UNC13C: variants seen among roughly 807,000 people sequenced by gnomAD.
UNC13C encodes the protein unc-13 homolog C.
UNC13C carries 174 observed loss-of-function variants against 245.4 expected under a neutral mutation model. The ratio of observed to expected loss-of-function variants is 0.71; its 90% CI spans 0.63 to 0.80. UNC13C has a LOEUF of 0.80. UNC13C is among the 30% of genes least tolerant of loss of function. UNC13C has a pLI of 0.00. For synonymous variants in UNC13C, 992 were observed against 895.1 expected (o/e 1.11, Z -1.93); for missense variants, 2,829 against 2,602.9 (o/e 1.09, Z -1.89).
chr15:54,140,595 G>A (rs8032249), intron 2 of UNC13C, among the ~76,000 whole-genome samples: 55,825 of 151,994 alleles, frequency 0.37, 10,334 homozygotes, highest in Admixed American at 0.39. Flanking sequence ...AGCTAGGTTT[G>A]GGACATAACA....
At chr15:54,446,623 T>C (rs1170788667) in intron 19 of UNC13C, among the ~76,000 whole-genome samples, 1 of 152,234 alleles carries the variant, frequency 6.6e-6, no homozygotes, top group Non-Finnish European at 1.5e-5. Flanking sequence ...ATGCTTGTGA[T>C]TTTTGCACTT....
At chr15:54,300,841 G>A (rs183481394) in intron 13 of UNC13C, among the ~76,000 whole-genome samples, 5 of 152,280 alleles carry the variant, frequency 3.3e-5, no homozygotes, top group Admixed American at 2.6e-4. Flanking sequence ...GACAGGTCCA[G>A]AGCTATTATG....
chr15:54,522,514 A>AAC (rs1266329880), intron 24 of UNC13C, among the ~76,000 whole-genome samples: 1 of 150,176 alleles, frequency 6.7e-6, no homozygotes, highest in Admixed American at 6.6e-5. Flanking sequence ...ACAACAACAA[A>AAC]AAGTCTTGCC....
chr15:54,280,786 A>C (rs2036973265), intron 10 of UNC13C, among the ~76,000 whole-genome samples: 1 of 109,254 alleles, frequency 9.2e-6, no homozygotes, highest in African/African-American at 3.5e-5. Context: ...ATATATACAC[A>C]TATATATATA....
chr15:54,534,597 A>C (rs1202334418), intron 26 of UNC13C, among the ~76,000 whole-genome samples: 1 of 152,210 alleles, frequency 6.6e-6, no homozygotes, highest in Non-Finnish European at 1.5e-5. Context: ...GATGTGGCTG[A>C]AATGACAGAT....
At chr15:54,149,737 G>C (rs1221575116) in intron 4 of UNC13C, among the ~76,000 whole-genome samples, 3 of 152,174 alleles carry the variant, frequency 2.0e-5, no homozygotes, top group African/African-American at 4.8e-5. Flanking sequence ...TTGGCCCTCT[G>C]TATCTGTGGG....
chr15:54,509,868 G>A (rs1894656902), intron 23 of UNC13C, among the ~76,000 whole-genome samples: 6 of 152,130 alleles, frequency 3.9e-5, no homozygotes, highest in Admixed American at 3.9e-4. Context: ...TTAATGAAAA[G>A]GGAGAGTCTC....
At chr15:54,375,324 C>T (rs1596301349) in intron 17 of UNC13C, among the ~76,000 whole-genome samples, 1 of 152,150 alleles carries the variant, frequency 6.6e-6, no homozygotes, top group South Asian at 2.1e-4. Context: ...TCTCTGAATG[C>T]AGTGTTGAAA....
intron 1 of UNC13C, among the ~76,000 whole-genome samples, chr15:54,000,704 A>G (rs1408836381): frequency 6.6e-6 from 1 of 152,144 alleles, no homozygotes; most frequent in Non-Finnish European, 1.5e-5. Flanking sequence ...ATAGAATGTA[A>G]TAAAACTAAG....
chr15:54,442,821 A>G (rs1288986136), intron 19 of UNC13C, among the ~76,000 whole-genome samples: 1 of 151,832 alleles, frequency 6.6e-6, no homozygotes, highest in African/African-American at 2.4e-5. Context: ...GTTAGCTGGT[A>G]TTTTGTCGAG....
rs550350948 is a variant in UNC13C, at chr15:54,547,267, C to T, written c.5820+422C>T. Among the ~76,000 whole-genome samples, 6 of 152,008 alleles carry T rather than the reference C, an allele frequency of 3.9e-5. 1 individual carries two copies. The highest frequency in any genetic ancestry group is 1.4e-4 in the African/African-American group (6 of 41,430). On this transcript the variant is annotated intron_variant, in intron 27 of 32. Transcript: ENST00000260323. Reference sequence around the variant, plus strand: ...TTTTTTCACCTTTCTATTATGCTTTCATCTCTTACCTCCCCACTTGGAAGT... The same window carrying T: ...TTTTTTCACCTTTCTATTATGCTTTTATCTCTTACCTCCCCACTTGGAAGT...
chr15:54,575,566 A>G (rs551962809), intron 30 of UNC13C, among the ~76,000 whole-genome samples: 2 of 129,074 alleles, frequency 1.5e-5, no homozygotes, highest in African/African-American at 3.7e-5. Flanking sequence ...TTCTCAAATT[A>G]AAAAAAAAAA....
chr15:54,302,425 T>C (rs1433236019), intron 13 of UNC13C, among the ~76,000 whole-genome samples: 1 of 152,208 alleles, frequency 6.6e-6, no homozygotes, highest in Non-Finnish European at 1.5e-5. Flanking sequence ...TGCTTTTAGG[T>C]TTTACATTTA....
At chr15:54,249,695 G>T (rs965729576) in intron 7 of UNC13C, among the ~76,000 whole-genome samples, 3 of 152,100 alleles carry the variant, frequency 2.0e-5, no homozygotes, top group African/African-American at 7.2e-5. Context: ...CCATGGGAGA[G>T]TGCCTCATTT....
In UNC13C at chr15:54,325,400, T is replaced by G. The variant is rs563186491; in HGVS notation, c.4425+3305T>G. 4.1e-4 allele frequency among the ~76,000 whole-genome samples: 63 copies of G among 152,182 alleles called. 1 individual carries two copies. The highest frequency in any genetic ancestry group is 1.5e-3 in the African/African-American group (62 of 41,552). The stretch of plus-strand genomic sequence containing the variant: ...TGTTGGTTTTGTTTTGTATGAATCT[T>G]TATACAACAGTCTTTTTGTTATTAT... On this transcript the variant is annotated intron_variant, in intron 14 of 32. Transcript: ENST00000260323.
intron 30 of UNC13C, among the ~76,000 whole-genome samples, chr15:54,618,162 G>T (rs770545553): frequency 6.6e-6 from 1 of 152,048 alleles, no homozygotes; most frequent in East Asian, 1.9e-4. Context: ...TATTAATCCC[G>T]TGTTATAACG....
chr15:54,205,529 C>A (rs767049177), intron 4 of UNC13C, among the ~76,000 whole-genome samples: 2 of 151,978 alleles, frequency 1.3e-5, no homozygotes, highest in African/African-American at 4.8e-5. Flanking sequence ...ACAGTAAAGG[C>A]TCTATAAATA....
intron 24 of UNC13C, among the ~76,000 whole-genome samples, chr15:54,525,132 C>A (rs966909421): frequency 1.7e-4 from 26 of 152,112 alleles, no homozygotes; most frequent in African/African-American, 6.3e-4. Flanking sequence ...AACTTTTATT[C>A]TTAATGTGCC....
At position 54,283,858 on chromosome 15, in the gene UNC13C, A is replaced by G. The variant is rs2414291; in HGVS notation, c.3819-10037A>G. On this transcript the variant is annotated intron_variant, in intron 10 of 32. Transcript: ENST00000260323. ...GTCGTATTGCTAGTGAGTGGCTCCA[A>G]TGGAATTTGAACTAGACAGGTCTTT... Among the ~76,000 whole-genome samples, 1,102 of 152,296 alleles carry G rather than the reference A, an allele frequency of 7.2e-3. 2 individuals carry two copies. The highest frequency in any genetic ancestry group is 9.9e-3 in the Non-Finnish European group (671 of 68,016).
Sources: gnomAD v4.1 joint callset for allele counts (sites outside exome capture counted in the v4.1 genomes callset) on GRCh38, gnomAD v4.1.1 for gene constraint, MANE v1.5 for transcripts, NCBI Gene and HGNC (gene_info 2026-07-23, HGNC 2026-07-21) for gene names.